The following PDZD9 variants were observed in gnomAD, a reference collection of about 807,000 sequenced individuals.
PDZD9 encodes the protein PDZ domain-containing protein 9.
A neutral mutation model predicts 16.3 loss-of-function variants in PDZD9; 13 were observed. That is an observed-to-expected ratio of 0.80 (90% CI 0.52 to 1.27). The LOEUF (loss-of-function observed/expected upper bound fraction) is 1.27, where lower values mean the gene tolerates loss of function less well. PDZD9 is among the 50% of genes most tolerant of loss of function. PDZD9 has a pLI of 0.00. For missense variants in PDZD9, 288 were observed against 310.9 expected, an observed-to-expected ratio of 0.93 and a Z score of 0.55; for synonymous variants, 120 against 111.0, an observed-to-expected ratio of 1.08 and a Z score of -0.51.
chr16:21,965,537 GT>G, the PDZD9 span: 1 of 1,476,894 alleles, frequency 6.8e-7, no homozygotes. Flanking sequence ...AAATGTGCTT[GT>G]TTTTCACATT....
At chr16:21,997,680 C>T (rs1353900853) in intron 1 of PDZD9, among the ~76,000 whole-genome samples, 1 of 152,152 alleles carries the variant, frequency 6.6e-6, no homozygotes, top group Non-Finnish European at 1.5e-5. Context: ...ATGTTTTCTA[C>T]AGAACCAAAT....
the PDZD9 span, chr16:21,976,398 A>G: frequency 1.6e-6 from 1 of 639,254 alleles, no homozygotes; most frequent in Non-Finnish European, 2.6e-6. Flanking sequence ...ACCTAAAGAT[A>G]TAATTGTTAA....
At chr16:21,980,598 C>T (rs752524166), downstream of PDZD9, 15 of 1,614,034 alleles carry the variant, frequency 9.3e-6, no homozygotes, top group Non-Finnish European at 1.3e-5. Flanking sequence ...CTGAGTGTTT[C>T]CTGGAAGAAG....
the PDZD9 span, among the ~76,000 whole-genome samples, chr16:21,957,893 T>C: frequency 2.6e-5 from 4 of 152,240 alleles, no homozygotes; most frequent in African/African-American, 9.6e-5. Flanking sequence ...TGCAACTGCA[T>C]CACTGCAGTC....
At chr16:21,973,396 T>C in the PDZD9 span, among the ~76,000 whole-genome samples, 1 of 152,164 alleles carries the variant, frequency 6.6e-6, no homozygotes, top group Non-Finnish European at 1.5e-5. Flanking sequence ...TAGATAACAA[T>C]ATCCCTGTTA....
chr16:21,957,601 GCTGTGGTATCTTGGTC>G, the PDZD9 span: 1 of 1,607,552 alleles, frequency 6.2e-7, no homozygotes, highest in South Asian at 1.1e-5. Flanking sequence ...GTTTGGAAAT[GCTGTGGTATCTTGGTC>G]CTGTGAAAAA....
intron 3 of PDZD9, among the ~76,000 whole-genome samples, chr16:21,985,878 C>T (rs1447573492): frequency 6.6e-6 from 1 of 152,116 alleles, no homozygotes; most frequent in Admixed American, 6.5e-5. Flanking sequence ...GTCTTAAATA[C>T]TGATTTTCTT....
At chr16:21,967,794 G>A in the PDZD9 span, among the ~76,000 whole-genome samples, 1 of 152,150 alleles carries the variant, frequency 6.6e-6, no homozygotes. Flanking sequence ...GGTCAGAAAA[G>A]CTTTATAGAG....
At chr16:21,965,791 A>G in the PDZD9 span, among the ~76,000 whole-genome samples, 3 of 152,256 alleles carry the variant, frequency 2.0e-5, no homozygotes, top group Non-Finnish European at 4.4e-5. Flanking sequence ...ACCTAAAGGC[A>G]CTCAGTGTTA....
chr16:21,968,677 T>C, the PDZD9 span: 9 of 1,609,642 alleles, frequency 5.6e-6, no homozygotes, highest in East Asian at 9.0e-5. Flanking sequence ...ATGGCTTTGA[T>C]TGGACTTGGT....
chr16:21,993,579 A>G (rs1899074867), intron 2 of PDZD9, among the ~76,000 whole-genome samples: 1 of 152,150 alleles, frequency 6.6e-6, no homozygotes, highest in Non-Finnish European at 1.5e-5. Context: ...AATTAGAATC[A>G]CCTGAGGAGC....
chr16:21,969,600 C>T, the PDZD9 span, among the ~76,000 whole-genome samples: 1 of 152,130 alleles, frequency 6.6e-6, no homozygotes, highest in East Asian at 1.9e-4. Context: ...CTTACAGAAA[C>T]ATTAGGTCAA....
chr16:21,975,838 C>T, the PDZD9 span, among the ~76,000 whole-genome samples: 2 of 152,136 alleles, frequency 1.3e-5, no homozygotes, highest in African/African-American at 4.8e-5. Flanking sequence ...CACCTATAAT[C>T]CCAACACTTT....
At chr16:21,975,025 G>A in the PDZD9 span, among the ~76,000 whole-genome samples, 42 of 152,054 alleles carry the variant, frequency 2.8e-4, no homozygotes, top group East Asian at 1.9e-4. Context: ...TGAAATCAGC[G>A]ACCACAAATT....
the PDZD9 span, among the ~76,000 whole-genome samples, chr16:21,960,134 C>T: frequency 2.0e-4 from 31 of 152,182 alleles, no homozygotes; most frequent in Non-Finnish European, 3.2e-4. Context: ...TCTCTAGCTA[C>T]GAATGTCCTG....
chr16:21,990,627 T>C (rs1393591090), intron 2 of PDZD9, among the ~76,000 whole-genome samples: 1 of 152,180 alleles, frequency 6.6e-6, no homozygotes, highest in Non-Finnish European at 1.5e-5. Context: ...CTCATCCTAC[T>C]GAGGTTAATT....
intron 1 of PDZD9, chr16:21,999,307 G>A (rs949587648): frequency 1.8e-5 from 4 of 222,146 alleles, no homozygotes; most frequent in African/African-American, 9.2e-5. Flanking sequence ...GCTGTTGAAA[G>A]TGAGATCTTC....
chr16:21,964,094 T>C, the PDZD9 span, among the ~76,000 whole-genome samples: 143,503 of 152,204 alleles, frequency 0.94, 68,146 homozygotes, highest in Non-Finnish European at 0.99. Flanking sequence ...AACTCAGTGG[T>C]TCAGCATGGG....
intron 1 of PDZD9, among the ~76,000 whole-genome samples, chr16:21,997,667 A>C (rs774403146): frequency 2.4e-4 from 36 of 152,204 alleles, no homozygotes; most frequent in Non-Finnish European, 5.1e-4. Flanking sequence ...GAGAGGTTGA[A>C]ATATGTTTTC....
Sources: gnomAD v4.1 joint callset for allele counts (sites outside exome capture counted in the v4.1 genomes callset) on GRCh38, gnomAD v4.1.1 for gene constraint, MANE v1.5 for transcripts, NCBI Gene and HGNC (gene_info 2026-07-23, HGNC 2026-07-21) for gene names.